Variants in CLMN observed in about 807,000 individuals in gnomAD.
The protein encoded by CLMN is calmin (calponin-like, transmembrane).
Under a neutral mutation model 92.7 loss-of-function variants are expected in CLMN, and 57 were observed. The ratio of observed to expected loss-of-function variants is 0.61; its 90% CI spans 0.50 to 0.77. The LOEUF is 0.77. Among genes scored for constraint, CLMN ranks in the 30% least tolerant of loss-of-function variants. The probability of loss-of-function intolerance (pLI) is 0.00; values close to 1 mark genes in which losing one functional copy is unlikely to be tolerated. For missense variants in CLMN, 1,158 were observed against 1,237.5 expected (o/e 0.94, Z 0.96); for synonymous variants, 466 against 470.6 (o/e 0.99, Z 0.13).
chr14:95,220,010 A>G (rs1489913588), intron 4 of CLMN, among the ~76,000 whole-genome samples: 1 of 152,068 alleles, frequency 6.6e-6, no homozygotes, highest in Non-Finnish European at 1.5e-5. Context: ...TTCCATTTCC[A>G]AAAACTTCCC....
At chr14:95,262,367 G>A (rs1405502398) in intron 1 of CLMN, among the ~76,000 whole-genome samples, 1 of 152,212 alleles carries the variant, frequency 6.6e-6, no homozygotes, top group South Asian at 2.1e-4. Flanking sequence ...AGCAAGCAGC[G>A]ACCTGAAAAA....
At chr14:95,319,532 C>T (rs1016375813) in intron 1 of CLMN, among the ~76,000 whole-genome samples, 179 bp downstream of exon 1, 1 of 152,130 alleles carries the variant, frequency 6.6e-6, no homozygotes, top group Non-Finnish European at 1.5e-5. Flanking sequence ...CTGGCCGCGG[C>T]TGGCCGCCCT....
intron 1 of CLMN, among the ~76,000 whole-genome samples, chr14:95,271,917 T>G (rs1340468144): frequency 6.6e-6 from 1 of 152,280 alleles, no homozygotes; most frequent in Non-Finnish European, 1.5e-5. Context: ...TCACACAGTT[T>G]GTGCCTGTCG....
intron 4 of CLMN, among the ~76,000 whole-genome samples, chr14:95,217,042 T>C (rs1897372782): frequency 6.6e-6 from 1 of 152,166 alleles, no homozygotes; most frequent in Non-Finnish European, 1.5e-5. Context: ...CAGACCTCTC[T>C]GAAAAGGGCC....
rs900706521 is a variant in CLMN at position 95,292,657 on chromosome 14, G to A, written c.82+27054C>T. Among the ~76,000 whole-genome samples the A allele has an allele frequency of 8.1e-4, 123 of 152,108 alleles. 1 individual carries two copies. Among genetic ancestry groups the A allele is most frequent in the Non-Finnish European group, 2.5e-4 (17 of 68,024 alleles). Reference sequence around the variant, plus strand: ...ACCCTCTGACTTCACCTGCTCTGCAGATTCCCAGGCTGGTGGTAGGGGAGG... The same window carrying A: ...ACCCTCTGACTTCACCTGCTCTGCAAATTCCCAGGCTGGTGGTAGGGGAGG... On this transcript the variant is annotated intron_variant, in intron 1 of 12. Transcript: ENST00000298912.
Position 95,202,974 on chromosome 14 carries a change from C to T in CLMN, c.2375G>A (p.Ser792Asn), listed in dbSNP as rs147248484. The T allele has an allele frequency of 1.9e-6, 3 of 1,613,984 alleles. No individual in the cohort carries two copies. The highest frequency in any genetic ancestry group is 2.7e-5 in the African/African-American group (2 of 74,918). ...SSSVPGESLP[S>N]ASDQVLYLSR... ...GAGATACAGCACCTGGTCGCTGGCA[C>T]TGGGGAGGCTCTCTCCTGGCACCGA... is the stretch of plus-strand genomic sequence containing the variant. Residue 792 changes from serine (S) to asparagine (N), a missense_variant, in exon 9 of 13, where the codon AGT becomes AAT. Ser to Asn is a conservative substitution (Grantham distance 46). Transcript: ENST00000298912.
intron 1 of CLMN, among the ~76,000 whole-genome samples, chr14:95,257,694 C>T (rs149884446): frequency 4.8e-4 from 73 of 152,310 alleles, no homozygotes; most frequent in Middle Eastern, 3.4e-3. Context: ...ATGCGGGGTG[C>T]GGAGCTACCA....
At chr14:95,262,893 C>T (rs75340860) in intron 1 of CLMN, among the ~76,000 whole-genome samples, 13,819 of 152,184 alleles carry the variant, frequency 0.091, 650 homozygotes, top group African/African-American at 0.12. Context: ...AGAAAGTTGG[C>T]CTCAGAGAGT....
chr14:95,231,455 C>T (rs1897886989), intron 1 of CLMN, among the ~76,000 whole-genome samples: 1 of 152,146 alleles, frequency 6.6e-6, no homozygotes, highest in Non-Finnish European at 1.5e-5. Context: ...ACCTCGGCCT[C>T]CCAAAGTACT....
chr14:95,300,156 C>T (rs915146490), intron 1 of CLMN, among the ~76,000 whole-genome samples: 7 of 152,226 alleles, frequency 4.6e-5, no homozygotes, highest in African/African-American at 1.7e-4. Context: ...TCCATGGGCA[C>T]CACTGGGTTA....
intron 6 of CLMN, among the ~76,000 whole-genome samples, chr14:95,212,881 G>A (rs1215295170): frequency 6.6e-6 from 1 of 151,206 alleles, no homozygotes; most frequent in Non-Finnish European, 1.5e-5. Flanking sequence ...CGCCTCCCAG[G>A]TTCACGCCAT....
intron 1 of CLMN, among the ~76,000 whole-genome samples, chr14:95,297,150 T>C (rs897222536): frequency 1.3e-5 from 2 of 152,176 alleles, no homozygotes; most frequent in Non-Finnish European, 2.9e-5. Context: ...ATTTACAAAG[T>C]AAGCCTATGC....
At chr14:95,289,771 C>T (rs1201586276) in intron 1 of CLMN, among the ~76,000 whole-genome samples, 1 of 152,106 alleles carries the variant, frequency 6.6e-6, no homozygotes, top group Non-Finnish European at 1.5e-5. Flanking sequence ...CTTTTATGCC[C>T]AATCCCCATC....
chr14:95,238,992 C>T (rs562174093), intron 1 of CLMN, among the ~76,000 whole-genome samples: 1 of 152,204 alleles, frequency 6.6e-6, no homozygotes, highest in East Asian at 1.9e-4. Context: ...AAAATAAAAC[C>T]GCTCTAGTTT....
chr14:95,258,278 CGTGTGTGTGGTGTGTGT>C (rs1377681071), intron 1 of CLMN, among the ~76,000 whole-genome samples: 6 of 135,842 alleles, frequency 4.4e-5, no homozygotes, highest in Admixed American at 2.2e-4. Context: ...CATGTGGGGG[CGTGTGTGTGGTGTGTGT>C]GTGGTGTATG....
At chr14:95,239,393 G>A (rs1038574243) in intron 1 of CLMN, among the ~76,000 whole-genome samples, 2 of 152,178 alleles carry the variant, frequency 1.3e-5, no homozygotes, top group Non-Finnish European at 2.9e-5. Flanking sequence ...AGGAAAGATG[G>A]AATGGAGATA....
intron 1 of CLMN, among the ~76,000 whole-genome samples, chr14:95,278,773 T>C (rs1049761491): frequency 1.3e-5 from 2 of 152,230 alleles, no homozygotes; most frequent in African/African-American, 4.8e-5. Context: ...TGTTCTTGGC[T>C]GCCTAGAAGT....
rs78385823 is a variant in CLMN, at chr14:95,276,227, T to A, written c.82+43484A>T. On this transcript the variant is annotated intron_variant, in intron 1 of 12. Transcript: ENST00000298912. ...AAGGGCGGAATTGAGTTAGAGGTAT[T>A]TTATCCTGAGGAAAGGATGGAATTG... 6.5e-3 allele frequency among the ~76,000 whole-genome samples: 988 copies of A among 152,290 alleles called. 21 individuals carry two copies. The highest frequency in any genetic ancestry group is 0.058 in the East Asian group (299 of 5,186).
intron 1 of CLMN, among the ~76,000 whole-genome samples, chr14:95,266,227 C>T (rs1360459809): frequency 3.3e-5 from 5 of 152,144 alleles, no homozygotes; most frequent in Admixed American, 2.0e-4. Context: ...AAGAAAGAAA[C>T]GAAGGGCATC....
Sources: allele counts gnomAD v4.1 joint callset (sites outside exome capture counted in the v4.1 genomes callset), GRCh38; gene constraint gnomAD v4.1.1; transcripts MANE v1.5; gene names NCBI Gene and HGNC (gene_info 2026-07-23, HGNC 2026-07-21).